The following DHX57 variants were observed in gnomAD, a reference collection of about 807,000 sequenced individuals.
DHX57 encodes the protein putative ATP-dependent RNA helicase DHX57.
DHX57 carries 105 observed loss-of-function variants against 156.2 expected under a neutral mutation model. The observed-to-expected ratio is 0.67, with a 90% CI of 0.57 to 0.79. DHX57 has a LOEUF of 0.79. Ranked by LOEUF, DHX57 falls within the 30% of genes least tolerant of loss-of-function variation. The probability of loss-of-function intolerance (pLI) is 0.00; values close to 1 mark genes in which losing one functional copy is unlikely to be tolerated. For missense variants in DHX57, 1,847 were observed against 1,661.9 expected (o/e 1.11, Z -1.94); for synonymous variants, 704 against 595.6 (o/e 1.18, Z -2.65).
In DHX57 at chr2:38,812,302, T is replaced by A. The variant is rs1402686748; in HGVS notation, c.3681+1519A>T. 3.3e-5 allele frequency among the ~76,000 whole-genome samples: 5 copies of A among 152,232 alleles called. No homozygotes were observed. The South Asian group carries it at 8.3e-4, about 25-fold the overall frequency. ...TACATTTCAAATGGTTTGAAAAGCA[T>A]ACAAATGCTAAGCAGAAAATGAGCC... On this transcript the variant is annotated intron_variant, in intron 21 of 23. Coordinates refer to ENST00000457308, the MANE Select transcript of DHX57 (RefSeq NM_198963.3).
Position 38,806,683 on chromosome 2 carries a change from G to A in DHX57, c.3692C>T (p.Pro1231Leu), listed in dbSNP as rs754077159. ...ACTGGTCTTCTGAAATTTTCCTTCT[G>A]GGCTTTTCACCTAAACAACAAGTAT... Reference protein sequence around the residue: ...LYPNVVQVKSPEGKFQKTSTG... With the variant: ...LYPNVVQVKSLEGKFQKTSTG... The change falls in exon 22 of 24, where the codon CCA (proline) becomes CTA (leucine). Residue 1231 changes from proline to leucine, a missense_variant. Transcript: ENST00000457308. The A allele has an allele frequency of 2.5e-6, 4 of 1,613,484 alleles. No homozygotes were observed. Among genetic ancestry groups the A allele is most frequent in the Non-Finnish European group, 3.4e-6 (4 of 1,179,838 alleles).
At chr2:38,836,200 G>T (rs1174591051) in intron 13 of DHX57, among the ~76,000 whole-genome samples, 1 of 152,150 alleles carries the variant, frequency 6.6e-6, no homozygotes, top group Non-Finnish European at 1.5e-5. Flanking sequence ...TTAGAGAAAT[G>T]AAAGAGCAAA....
chr2:38,810,248 C>T (rs142957067), intron 21 of DHX57, among the ~76,000 whole-genome samples: 16 of 150,118 alleles, frequency 1.1e-4, no homozygotes, highest in African/African-American at 3.9e-4. Context: ...CCCACTGTAG[C>T]TGCCCCTCAC....
chr2:38,828,781 G>A (rs1009962031), intron 13 of DHX57, among the ~76,000 whole-genome samples: 3 of 151,306 alleles, frequency 2.0e-5, no homozygotes, highest in African/African-American at 7.3e-5. Flanking sequence ...TAAAGTCCCA[G>A]AGGATTTAAA....
intron 11 of DHX57, among the ~76,000 whole-genome samples, chr2:38,846,449 G>A (rs187272710): frequency 6.6e-5 from 10 of 151,310 alleles, no homozygotes; most frequent in East Asian, 5.9e-4. Context: ...AATGAGACCC[G>A]TCTCTACAAA....
chr2:38,845,254 AG>A (rs1672209804), intron 11 of DHX57, among the ~76,000 whole-genome samples: 1 of 152,072 alleles, frequency 6.6e-6, no homozygotes, highest in African/African-American at 2.4e-5. Context: ...GGAAGCAGTG[AG>A]TTTGAAAAAG....
chr2:38,802,942 C>T (rs781302485), intron 22 of DHX57, 27 bp from the exon 23 acceptor site: 1 of 1,613,008 alleles, frequency 6.2e-7, no homozygotes, highest in East Asian at 2.2e-5. Context: ...CAGATGATGA[C>T]AGTGATGTCA....
intron 17 of DHX57, among the ~76,000 whole-genome samples, chr2:38,821,347 G>A (rs761549602): frequency 6.6e-6 from 1 of 151,964 alleles, no homozygotes; most frequent in African/African-American, 2.4e-5. Context: ...CAGAAGGAAG[G>A]AAAGAATAAA....
chr2:38,863,594 G>A, intron 2 of DHX57, 75 bp from the exon 3 acceptor site: 1 of 1,364,036 alleles, frequency 7.3e-7, no homozygotes, highest in Admixed American at 2.2e-5. Flanking sequence ...GGGGTCCCCA[G>A]ATATACACAA....
chr2:38,818,279 C>T (rs1670642163), intron 19 of DHX57, among the ~76,000 whole-genome samples: 1 of 152,182 alleles, frequency 6.6e-6, no homozygotes, highest in Non-Finnish European at 1.5e-5. Context: ...GTAATCCCAG[C>T]ACTTTGGGTG....
chr2:38,822,396 T>A (rs1298629985), intron 17 of DHX57, among the ~76,000 whole-genome samples: 3 of 150,584 alleles, frequency 2.0e-5, no homozygotes, highest in Admixed American at 6.6e-5. Flanking sequence ...GAAGAATTAA[T>A]ATTAGTTGTT....
At position 38,855,067 on chromosome 2, in the gene DHX57, T is replaced by C. The variant is rs776445183; in HGVS notation, c.1895A>G (p.Glu632Gly). 8 of 1,614,136 alleles carry C rather than the reference T, an allele frequency of 5.0e-6. No homozygotes were observed. The highest frequency in any genetic ancestry group is 6.8e-6 in the Non-Finnish European group (8 of 1,180,020). ...GCAGAGCATACAAACCTTGACACTT[T>C]CTAACCGAATCTGGTATCCCACGGT... ...GLTVGYQIRLESVKSSATRLL... is the reference protein window; with the variant it reads ...GLTVGYQIRLGSVKSSATRLL... Residue 632 changes from glutamate (E) to glycine (G), a missense_variant, in exon 8 of 24, where the codon GAA becomes GGA. Coordinates refer to ENST00000457308, the MANE Select transcript of DHX57 (RefSeq NM_198963.3).
At chr2:38,823,832 T>C (rs1670952657) in intron 16 of DHX57, among the ~76,000 whole-genome samples, 1 of 152,112 alleles carries the variant, frequency 6.6e-6, no homozygotes, top group Non-Finnish European at 1.5e-5. Context: ...GCCAACATGG[T>C]GAAACCCAGT....
At chr2:38,843,291 C>T (rs887334933) in intron 11 of DHX57, 81 bp from the exon 12 acceptor site, 13 of 1,433,500 alleles carry the variant, frequency 9.1e-6, no homozygotes, top group Admixed American at 3.6e-5. Flanking sequence ...TTCACGTGCT[C>T]GTTCAGCAAA....
chr2:38,825,696 C>A (rs2148563204), intron 16 of DHX57, 151 bp downstream of exon 16: 1 of 782,706 alleles, frequency 1.3e-6, no homozygotes, highest in Admixed American at 2.6e-5. Context: ...GTAAAGGCAA[C>A]ACTAAGGATA....
chr2:38,824,882 C>A (rs1572645231), intron 16 of DHX57, among the ~76,000 whole-genome samples: 1 of 152,152 alleles, frequency 6.6e-6, no homozygotes, highest in East Asian at 1.9e-4. Context: ...CTCTTGACCT[C>A]AGGTGATCTG....
chr2:38,819,498 G>C (rs1670710486), intron 17 of DHX57, among the ~76,000 whole-genome samples: 1 of 152,182 alleles, frequency 6.6e-6, no homozygotes, highest in South Asian at 2.1e-4. Flanking sequence ...TTTTATCTGA[G>C]GTTTCAAATG....
At chr2:38,846,231 T>C (rs1403636240) in intron 11 of DHX57, among the ~76,000 whole-genome samples, 2 of 152,188 alleles carry the variant, frequency 1.3e-5, no homozygotes, top group African/African-American at 4.8e-5. Flanking sequence ...TTTGCAAGTA[T>C]TAATTCATTA....
At chr2:38,828,682 C>T (rs918071714) in intron 13 of DHX57, among the ~76,000 whole-genome samples, 2 of 150,526 alleles carry the variant, frequency 1.3e-5, no homozygotes, top group Non-Finnish European at 2.9e-5. Context: ...AAGATTGTGC[C>T]ACTGCACTCT....
Sources: allele counts gnomAD v4.1 joint callset (sites outside exome capture counted in the v4.1 genomes callset), GRCh38; gene constraint gnomAD v4.1.1; transcripts MANE v1.5; gene names NCBI Gene and HGNC (gene_info 2026-07-23, HGNC 2026-07-21).